Variants in CDC14B observed in about 807,000 individuals in gnomAD.
CDC14B encodes dual specificity protein phosphatase CDC14B.
Under a neutral mutation model 64.2 loss-of-function variants are expected in CDC14B, and 22 were observed. The ratio of observed to expected loss-of-function variants is 0.34; its 90% CI spans 0.24 to 0.49. The LOEUF (loss-of-function observed/expected upper bound fraction) is 0.49. Ranked by LOEUF, CDC14B falls within the 20% of genes least tolerant of loss-of-function variation. CDC14B has a pLI of 0.99. For missense variants in CDC14B, 498 were observed against 629.9 expected, an observed-to-expected ratio of 0.79 and a Z score of 2.24; for synonymous variants, 191 against 215.8, an observed-to-expected ratio of 0.89 and a Z score of 1.01.
At chr9:96,503,905 T>C in intron 13 of CDC14B, 116 bp from the exon 14 acceptor site, 1 of 740,380 alleles carries the variant, frequency 1.4e-6, no homozygotes, top group East Asian at 2.6e-5. Flanking sequence ...AAGTATACGC[T>C]TGCTGTAAGT....
intron 5 of CDC14B, among the ~76,000 whole-genome samples, chr9:96,542,410 A>G (rs1043020474): frequency 6.6e-6 from 1 of 152,202 alleles, no homozygotes; most frequent in Non-Finnish European, 1.5e-5. Flanking sequence ...GTCACATTTA[A>G]AATATTAGGT....
At chr9:96,545,097 GA>G (rs553710769) in intron 5 of CDC14B, among the ~76,000 whole-genome samples, 2 of 152,076 alleles carry the variant, frequency 1.3e-5, no homozygotes, top group Non-Finnish European at 2.9e-5. Flanking sequence ...AGTTGTCTGT[GA>G]TTGTGTTCAA....
chr9:96,598,845 C>A (rs1222915083), intron 1 of CDC14B, among the ~76,000 whole-genome samples: 1 of 152,054 alleles, frequency 6.6e-6, no homozygotes, highest in Non-Finnish European at 1.5e-5. Flanking sequence ...AGACAGAAAA[C>A]AATCCACATG....
At chr9:96,593,824 G>A (rs1443338900) in intron 1 of CDC14B, among the ~76,000 whole-genome samples, 1 of 152,034 alleles carries the variant, frequency 6.6e-6, no homozygotes, top group Non-Finnish European at 1.5e-5. Context: ...AGATAGACCC[G>A]AACACATTCA....
chr9:96,577,148 G>T (rs1417111364), intron 1 of CDC14B, among the ~76,000 whole-genome samples: 1 of 151,798 alleles, frequency 6.6e-6, no homozygotes, highest in Non-Finnish European at 1.5e-5. Flanking sequence ...TTTCTCGGGA[G>T]TCTGAGGCAG....
rs564833947 is a variant in CDC14B, at chr9:96,514,811, G to A, written c.1344-5022C>T. 18 of 985,474 alleles carry A rather than the reference G, an allele frequency of 1.8e-5. No homozygotes were observed. The East Asian group carries it at 1.7e-3, about 93-fold the overall frequency. The allele number at this position is 985,474 out of a possible 1,614,324, so 61.0% of individuals were successfully genotyped here. A position where few individuals can be genotyped will look rare whatever the true frequency, so the allele number is the denominator to read the frequency against. ...GCCTTCTGGGGGTCTTCAACATGCTGTTCCACAAGTGGGCCTCTTGTACAT... is the reference window on the plus strand; with the variant it reads ...GCCTTCTGGGGGTCTTCAACATGCTATTCCACAAGTGGGCCTCTTGTACAT... On this transcript the variant is annotated intron_variant, in intron 12 of 13. Transcript: ENST00000375241.
chr9:96,599,889 A>C (rs1215493824), intron 1 of CDC14B, among the ~76,000 whole-genome samples: 2 of 151,596 alleles, frequency 1.3e-5, no homozygotes, highest in Non-Finnish European at 2.9e-5. Context: ...ATGCCACCAC[A>C]CCCAACTAAT....
intron 9 of CDC14B, among the ~76,000 whole-genome samples, chr9:96,527,799 T>C (rs1393747626): frequency 6.6e-6 from 1 of 152,032 alleles, no homozygotes; most frequent in Non-Finnish European, 1.5e-5. Flanking sequence ...GTATTTTTAG[T>C]AGAGATGGGG....
chr9:96,507,111 T>C (rs1564194026), intron 13 of CDC14B, among the ~76,000 whole-genome samples: 2 of 152,022 alleles, frequency 1.3e-5, no homozygotes, highest in Admixed American at 6.5e-5. Context: ...CTGGCCAAAA[T>C]GGTGAAACCC....
At chr9:96,522,705 G>A (rs1836936910) in intron 11 of CDC14B, 102 bp from the exon 12 acceptor site, 2 of 741,630 alleles carry the variant, frequency 2.7e-6, no homozygotes, top group African/African-American at 1.7e-5. Context: ...CCAAGTTTCT[G>A]CAAGCTCTAG....
At chr9:96,562,999 G>A (rs1031521349) in intron 3 of CDC14B, among the ~76,000 whole-genome samples, 15 of 152,156 alleles carry the variant, frequency 9.9e-5, no homozygotes, top group Non-Finnish European at 1.8e-4. Flanking sequence ...AGAGAAGAGG[G>A]GAGGGGACAT....
intron 1 of CDC14B, among the ~76,000 whole-genome samples, chr9:96,610,290 A>G (rs576644313): frequency 9.2e-4 from 140 of 152,134 alleles, no homozygotes; most frequent in African/African-American, 3.1e-3. Context: ...CTCTGCCCCC[A>G]GGGGTTCACG....
chr9:96,567,564 T>C (rs954496190), intron 1 of CDC14B, among the ~76,000 whole-genome samples: 1 of 152,242 alleles, frequency 6.6e-6, no homozygotes. Flanking sequence ...TGGTCATGCA[T>C]TCCTTTAAAG....
At chr9:96,612,829 C>T (rs1196846462) in intron 1 of CDC14B, among the ~76,000 whole-genome samples, 1 of 152,186 alleles carries the variant, frequency 6.6e-6, no homozygotes, top group Non-Finnish European at 1.5e-5. Flanking sequence ...AGTAGGTATT[C>T]ATTTGCACAT....
chr9:96,603,075 T>G (rs1472237755), intron 1 of CDC14B, among the ~76,000 whole-genome samples: 1 of 150,934 alleles, frequency 6.6e-6, no homozygotes, highest in East Asian at 2.0e-4. Flanking sequence ...CTGTGCTCAT[T>G]GAGTAACCTA....
At chr9:96,606,390 A>T (rs1246295585) in intron 1 of CDC14B, among the ~76,000 whole-genome samples, 5 of 151,256 alleles carry the variant, frequency 3.3e-5, no homozygotes, top group African/African-American at 1.2e-4. Flanking sequence ...ATCATTTTAA[A>T]CTAAGAGTTC....
chr9:96,525,442 C>G (rs991689415), intron 9 of CDC14B, among the ~76,000 whole-genome samples: 2 of 152,082 alleles, frequency 1.3e-5, no homozygotes, highest in Non-Finnish European at 2.9e-5. Flanking sequence ...CACCGAGACA[C>G]AGAGTATATA....
chr9:96,517,476 C>T (rs1835878728), intron 12 of CDC14B, among the ~76,000 whole-genome samples: 1 of 149,808 alleles, frequency 6.7e-6, no homozygotes, highest in Non-Finnish European at 1.5e-5. Context: ...CATGGTGAAA[C>T]CCCGTCTCTA....
intron 12 of CDC14B, among the ~76,000 whole-genome samples, chr9:96,518,897 G>A (rs1024844605): frequency 2.0e-5 from 3 of 152,122 alleles, no homozygotes; most frequent in African/African-American, 7.2e-5. Flanking sequence ...AGCACTTTGG[G>A]AGGCCAAGGT....
Sources: gnomAD v4.1 joint callset for allele counts (sites outside exome capture counted in the v4.1 genomes callset) on GRCh38, gnomAD v4.1.1 for gene constraint, MANE v1.5 for transcripts, NCBI Gene and HGNC (gene_info 2026-07-23, HGNC 2026-07-21) for gene names.